Variants in SLC25A30 observed in about 807,000 individuals in gnomAD.
The protein encoded by SLC25A30 is kidney mitochondrial carrier protein 1.
SLC25A30 carries 29 observed loss-of-function variants against 42.7 expected under a neutral mutation model. That is an observed-to-expected ratio of 0.68 (90% CI 0.51 to 0.93). The LOEUF is 0.93. SLC25A30 is among the 40% of genes least tolerant of loss of function. The pLI is 0.00. For missense variants in SLC25A30, 300 were observed against 359.7 expected, an observed-to-expected ratio of 0.83 and a Z score of 1.34; for synonymous variants, 124 against 131.0, an observed-to-expected ratio of 0.95 and a Z score of 0.37.
At chr13:45,411,945 C>CA (rs34248795) in intron 1 of SLC25A30, 5,917 of 92,114 alleles carry the variant, frequency 0.064, 195 homozygotes, top group Middle Eastern at 0.12. Flanking sequence ...CACCCTGTGT[C>CA]AAAAAAAAAA....
chr13:45,419,869 G>A (rs1883838817), upstream of SLC25A30, among the ~76,000 whole-genome samples: 1 of 147,714 alleles, frequency 6.8e-6, no homozygotes, highest in East Asian at 2.0e-4. Flanking sequence ...GGTGGAGGTT[G>A]AGGTGAGCCG....
chr13:45,413,212 T>C (rs2137688793), intron 1 of SLC25A30, among the ~76,000 whole-genome samples: 1 of 152,334 alleles, frequency 6.6e-6, no homozygotes, highest in East Asian at 1.9e-4. Flanking sequence ...TTTTTAGGTA[T>C]TTCAGTACTA....
chr13:45,406,030 C>T (rs370761963), intron 3 of SLC25A30, 53 bp from the exon 4 acceptor site: 59 of 1,548,426 alleles, frequency 3.8e-5, no homozygotes, highest in South Asian at 1.3e-4. Context: ...CACTTAACAT[C>T]GGCTAGGCAA....
chr13:45,420,857 T>C (rs1883873962), upstream of SLC25A30, among the ~76,000 whole-genome samples: 1 of 151,724 alleles, frequency 6.6e-6, no homozygotes, highest in Non-Finnish European at 1.5e-5. Flanking sequence ...TGAGCCACCA[T>C]GCCTGGCCAA....
chr13:45,400,413 C>CA (rs1881854001), intron 7 of SLC25A30, among the ~76,000 whole-genome samples: 1 of 152,056 alleles, frequency 6.6e-6, no homozygotes, highest in African/African-American at 2.4e-5. Context: ...CAGTGAGACC[C>CA]CGTCTCACAT....
In SLC25A30 at chr13:45,395,833, C is replaced by T; in HGVS notation, c.*141G>A. The T allele has an allele frequency of 6.4e-7, 1 of 1,564,576 alleles. No individual in the cohort carries two copies. Among genetic ancestry groups the T allele is most frequent in the Non-Finnish European group, 8.6e-7 (1 of 1,156,774 alleles). ...ATCCAATGCCAACACACAGCAATCTCAACTAACCCAGTCTTCATCTGTTGC... is the reference window on the plus strand; with the variant it reads ...ATCCAATGCCAACACACAGCAATCTTAACTAACCCAGTCTTCATCTGTTGC... On this transcript the variant is annotated 3_prime_UTR_variant, in exon 10 of 10. Coordinates refer to ENST00000519676, the MANE Select transcript of SLC25A30 (RefSeq NM_001010875.4).
chr13:45,419,944 C>T (rs867867678), upstream of SLC25A30, among the ~76,000 whole-genome samples: 1 of 143,464 alleles, frequency 7.0e-6, no homozygotes, highest in African/African-American at 2.6e-5. Context: ...GGTGACAGCG[C>T]GAGAGAAAGA....
chr13:45,424,550 T>A, the SLC25A30 span, among the ~76,000 whole-genome samples: 2 of 69,582 alleles, frequency 2.9e-5, 1 homozygote, highest in Non-Finnish European at 5.0e-5. Context: ...TATAAATATA[T>A]AAATATATAT....
chr13:45,398,809 C>G, intron 8 of SLC25A30, 131 bp downstream of exon 8: 1 of 926,464 alleles, frequency 1.1e-6, no homozygotes, highest in East Asian at 2.9e-5. Context: ...CAAAAATGGT[C>G]TCACACATGT....
At chr13:45,407,893 AATAG>A (rs1260248106) in intron 3 of SLC25A30, among the ~76,000 whole-genome samples, 1 of 152,174 alleles carries the variant, frequency 6.6e-6, no homozygotes, top group Non-Finnish European at 1.5e-5. Flanking sequence ...CTACACCCTA[AATAG>A]TTTTCTAGCC....
At chr13:45,402,254 C>A in intron 6 of SLC25A30, 21 bp downstream of exon 6, 1 of 1,563,684 alleles carries the variant, frequency 6.4e-7, no homozygotes, top group Non-Finnish European at 8.8e-7. Flanking sequence ...TAAATCAGTT[C>A]GATCCATCCT....
At chr13:45,430,540 T>C in the SLC25A30 span, among the ~76,000 whole-genome samples, 1 of 152,132 alleles carries the variant, frequency 6.6e-6, no homozygotes, top group South Asian at 2.1e-4. Context: ...GCATGGTGGC[T>C]CATGCCTGTA....
At chr13:45,420,583 A>AC (rs1477660740), upstream of SLC25A30, among the ~76,000 whole-genome samples, 2 of 151,958 alleles carry the variant, frequency 1.3e-5, no homozygotes, top group African/African-American at 4.8e-5. Context: ...GGACACCCAA[A>AC]CTCTACCATT....
At chr13:45,412,945 T>A (rs1883157560) in intron 1 of SLC25A30, among the ~76,000 whole-genome samples, 1 of 152,220 alleles carries the variant, frequency 6.6e-6, no homozygotes, top group Non-Finnish European at 1.5e-5. Flanking sequence ...TTTCAGTCAT[T>A]ATTGGCAAGC....
the SLC25A30 span, among the ~76,000 whole-genome samples, chr13:45,426,088 A>T: frequency 6.7e-6 from 1 of 149,334 alleles, no homozygotes; most frequent in South Asian, 2.1e-4. Flanking sequence ...ATATATTTTT[A>T]AATGTATATA....
the SLC25A30 span, among the ~76,000 whole-genome samples, chr13:45,431,564 T>C: frequency 1 from 16 of 16 alleles, 8 homozygotes; most frequent in Non-Finnish European, 1. Flanking sequence ...TTTGTATTTT[T>C]ATTAGAGATG....
At chr13:45,414,631 C>CACAT (rs1555288072) in intron 1 of SLC25A30, among the ~76,000 whole-genome samples, 1 of 128,018 alleles carries the variant, frequency 7.8e-6, no homozygotes, top group South Asian at 2.6e-4. Flanking sequence ...CACACACACA[C>CACAT]ACATACACAC....
chr13:45,402,397 C>T (rs1882080991), intron 5 of SLC25A30, 27 bp from the exon 6 acceptor site: 1 of 1,573,442 alleles, frequency 6.4e-7, no homozygotes, highest in African/African-American at 1.4e-5. Flanking sequence ...AGACCAACAT[C>T]AGAAAGAAAC....
At chr13:45,402,177 A>G (rs1566204386) in intron 6 of SLC25A30, 98 bp downstream of exon 6, 3 of 890,548 alleles carry the variant, frequency 3.4e-6, no homozygotes, top group Non-Finnish European at 5.4e-6. Flanking sequence ...CCCTTACTCC[A>G]TTACGACACT....
Sources: gnomAD v4.1 joint callset for allele counts (sites outside exome capture counted in the v4.1 genomes callset) on GRCh38, gnomAD v4.1.1 for gene constraint, MANE v1.5 for transcripts, NCBI Gene and HGNC (gene_info 2026-07-23, HGNC 2026-07-21) for gene names.